Variants in ARHGEF33 observed in about 807,000 individuals in gnomAD.
The protein encoded by ARHGEF33 is DH and coiled-coil domain-containing protein ENSP00000381780.
A neutral mutation model predicts 101.9 loss-of-function variants in ARHGEF33; 72 were observed. The ratio of observed to expected loss-of-function variants is 0.71; its 90% CI spans 0.58 to 0.86. The LOEUF (loss-of-function observed/expected upper bound fraction) is 0.86. ARHGEF33 is among the 40% of genes least tolerant of loss of function. The pLI is 0.00. For missense variants in ARHGEF33, 1,169 were observed against 1,111.3 expected (o/e 1.05, Z -0.74); for synonymous variants, 499 against 442.5 (o/e 1.13, Z -1.60).
Position 38,919,381 on chromosome 2 carries a change from G to A in ARHGEF33, c.-67G>A. ...TTGACAGGTGCAGGGAAGAGGAGGTGGCCTGAGCCAGGACGATGAGGATGC... is the reference window on the plus strand; with the variant it reads ...TTGACAGGTGCAGGGAAGAGGAGGTAGCCTGAGCCAGGACGATGAGGATGC... On this transcript the variant is annotated 5_prime_UTR_variant, in exon 3 of 18. The change creates a premature stop within an existing upstream ORF in the 5' untranslated region. Coordinates refer to ENST00000409978, the MANE Select transcript of ARHGEF33 (RefSeq NM_001145451.5). The A allele has an allele frequency of 2.0e-6, 3 of 1,509,402 alleles. No homozygotes were observed. The highest frequency in any genetic ancestry group is 2.7e-6 in the Non-Finnish European group (3 of 1,108,570). The allele number at this position is 1,509,402 out of a possible 1,614,324, so 93.5% of individuals were successfully genotyped here.
chr2:38,942,525 A>G (rs1307755372), intron 9 of ARHGEF33, among the ~76,000 whole-genome samples: 2 of 125,576 alleles, frequency 1.6e-5, no homozygotes, highest in Non-Finnish European at 3.4e-5. Context: ...CTACCCTTTT[A>G]ATTTTTTCTA....
chr2:38,917,657 C>T (rs949980358), intron 2 of ARHGEF33, among the ~76,000 whole-genome samples: 1 of 151,420 alleles, frequency 6.6e-6, no homozygotes, highest in Non-Finnish European at 1.5e-5. Flanking sequence ...AGTGAGACTC[C>T]TGTCTCTACA....
At chr2:38,971,993 G>A (rs930810040) in intron 17 of ARHGEF33, 1 of 718,210 alleles carries the variant, frequency 1.4e-6, no homozygotes, top group African/African-American at 1.7e-5. Context: ...GTGACATGTT[G>A]GGTTTTGGAT....
intron 13 of ARHGEF33, 56 bp from the exon 14 acceptor site, chr2:38,956,843 A>C: frequency 6.5e-7 from 1 of 1,541,446 alleles, no homozygotes; most frequent in Non-Finnish European, 8.8e-7. Context: ...GCAGAAGAGA[A>C]AAAACAAATT....
chr2:38,903,605 C>T (rs186525889), intron 2 of ARHGEF33, among the ~76,000 whole-genome samples: 1 of 152,136 alleles, frequency 6.6e-6, no homozygotes, highest in East Asian at 1.9e-4. Flanking sequence ...AGGTGCATTC[C>T]AAAGTGGGTG....
At chr2:38,939,309 G>C (rs935965499) in intron 9 of ARHGEF33, among the ~76,000 whole-genome samples, 2 of 152,056 alleles carry the variant, frequency 1.3e-5, no homozygotes, top group Non-Finnish European at 2.9e-5. Flanking sequence ...TTTTTTTAGT[G>C]GGGGGATGTA....
chr2:38,921,980 T>C (rs887407098), intron 4 of ARHGEF33, among the ~76,000 whole-genome samples: 3 of 152,180 alleles, frequency 2.0e-5, no homozygotes, highest in African/African-American at 7.2e-5. Context: ...TCAAGCTCTT[T>C]TTAAACAATG....
intron 1 of ARHGEF33, among the ~76,000 whole-genome samples, chr2:38,893,380 G>A (rs550836118): frequency 4.0e-4 from 61 of 152,088 alleles, no homozygotes; most frequent in Middle Eastern, 6.8e-3. Flanking sequence ...GGCTGATCTC[G>A]AACTCCTGAG....
In ARHGEF33 at chr2:38,891,037, A is replaced by G. The variant is rs145559367; in HGVS notation, c.-159+1051A>G. Among the ~76,000 whole-genome samples the G allele has an allele frequency of 1.9e-4, 29 of 151,086 alleles. No homozygotes were observed. In the East Asian group the frequency reaches 4.9e-3, roughly 25 times the overall value. On this transcript the variant is annotated intron_variant, in intron 1 of 17. Coordinates refer to ENST00000409978, the MANE Select transcript of ARHGEF33 (RefSeq NM_001145451.5). ...TCACTTTGTCACCTGGGCTCAAGCA[A>G]TCCTCCCACCTCAGCCCCCACAGGT...
intron 8 of ARHGEF33, 149 bp from the exon 9 acceptor site, chr2:38,937,185 AG>A: frequency 1.7e-6 from 1 of 585,756 alleles, no homozygotes; most frequent in East Asian, 2.8e-5. Flanking sequence ...TAGTAGAGAC[AG>A]GGTTTCACCA....
At chr2:38,906,097 A>T (rs1325058084) in intron 2 of ARHGEF33, among the ~76,000 whole-genome samples, 1 of 151,810 alleles carries the variant, frequency 6.6e-6, no homozygotes, top group Admixed American at 6.6e-5. Flanking sequence ...CTACAAAAAA[A>T]TACCTAGGAG....
At chr2:38,936,682 A>T (rs2124391689) in intron 8 of ARHGEF33, among the ~76,000 whole-genome samples, 1 of 152,230 alleles carries the variant, frequency 6.6e-6, no homozygotes, top group South Asian at 2.1e-4. Context: ...ATTCGTTAAG[A>T]GTTAGCAACA....
intron 9 of ARHGEF33, among the ~76,000 whole-genome samples, chr2:38,943,614 G>A (rs2124401817): frequency 6.6e-6 from 1 of 152,254 alleles, no homozygotes; most frequent in East Asian, 1.9e-4. Flanking sequence ...TTTCAGCATT[G>A]TCCCTTATTT....
At chr2:38,944,860 T>C (rs1338281518) in intron 10 of ARHGEF33, among the ~76,000 whole-genome samples, 1 of 132,402 alleles carries the variant, frequency 7.6e-6, no homozygotes, top group Non-Finnish European at 1.6e-5. Context: ...GATCTTATGG[T>C]ACTGAGTAAT....
At chr2:38,956,424 CT>C (rs1180320490) in intron 13 of ARHGEF33, among the ~76,000 whole-genome samples, 2 of 152,218 alleles carry the variant, frequency 1.3e-5, no homozygotes, top group African/African-American at 4.8e-5. Flanking sequence ...TACATTTTAG[CT>C]TTCCCAAATC....
At chr2:38,933,209 C>A (rs1487072213) in intron 7 of ARHGEF33, among the ~76,000 whole-genome samples, 1 of 152,096 alleles carries the variant, frequency 6.6e-6, no homozygotes, top group Non-Finnish European at 1.5e-5. Flanking sequence ...CAGGTGAAGG[C>A]TCTACTCATG....
At chr2:38,942,470 T>G (rs1667339359) in intron 9 of ARHGEF33, among the ~76,000 whole-genome samples, 1 of 118,664 alleles carries the variant, frequency 8.4e-6, no homozygotes, top group African/African-American at 8.0e-5. Context: ...CCTCTTATCT[T>G]TTTTTTTTTT....
chr2:38,923,125 G>T (rs1441953224), intron 4 of ARHGEF33, among the ~76,000 whole-genome samples: 2 of 152,054 alleles, frequency 1.3e-5, no homozygotes, highest in Non-Finnish European at 2.9e-5. Flanking sequence ...CTGCAGTGGG[G>T]GTGGCCTCAT....
intron 15 of ARHGEF33, among the ~76,000 whole-genome samples, chr2:38,959,005 G>C (rs990435114): frequency 6.6e-6 from 1 of 152,196 alleles, no homozygotes; most frequent in African/African-American, 2.4e-5. Flanking sequence ...TCGGCCTCCC[G>C]AAGTCTTTAT....
Sources: allele counts gnomAD v4.1 joint callset (sites outside exome capture counted in the v4.1 genomes callset), GRCh38; gene constraint gnomAD v4.1.1; transcripts MANE v1.5; gene names NCBI Gene and HGNC (gene_info 2026-07-23, HGNC 2026-07-21).